Variants in EPHA6 observed in about 807,000 individuals in gnomAD.
EPHA6 encodes the protein ephrin type-A receptor 6.
In EPHA6, 50 loss-of-function variants were observed where a neutral mutation model predicts 112.0. That is an observed-to-expected ratio of 0.45 (90% CI 0.36 to 0.56). The LOEUF (loss-of-function observed/expected upper bound fraction) is 0.56, where lower values mean the gene tolerates loss of function less well. Ranked by LOEUF, EPHA6 falls within the 20% of genes least tolerant of loss-of-function variation. The pLI is 0.00. For missense variants in EPHA6, 1,280 were observed against 1,417.4 expected (o/e 0.90, Z 1.56); for synonymous variants, 529 against 490.7 (o/e 1.08, Z -1.03).
At chr3:97,604,798 A>G (rs1290131352) in intron 12 of EPHA6, among the ~76,000 whole-genome samples, 1 of 151,696 alleles carries the variant, frequency 6.6e-6, no homozygotes, top group East Asian at 1.9e-4. Context: ...TTGATAATAT[A>G]ACTAATTTAG....
intron 5 of EPHA6, among the ~76,000 whole-genome samples, chr3:97,287,291 T>A (rs2080502448): frequency 6.6e-6 from 1 of 152,130 alleles, no homozygotes; most frequent in Admixed American, 6.5e-5. Context: ...TTGTTCCAGT[T>A]CTTAGAGGAA....
intron 1 of EPHA6, among the ~76,000 whole-genome samples, chr3:96,824,516 A>G (rs1261902575): frequency 1.3e-5 from 2 of 151,948 alleles, no homozygotes; most frequent in Non-Finnish European, 1.5e-5. Context: ...CTAGTTCTGC[A>G]ATAAGCAAAT....
chr3:96,899,053 C>CAA (rs142436863), intron 2 of EPHA6, among the ~76,000 whole-genome samples: 13 of 129,752 alleles, frequency 1.0e-4, no homozygotes, highest in African/African-American at 3.1e-4. Context: ...AACAAACAAA[C>CAA]AAAAAAAAAA....
At chr3:97,667,983 A>G (rs2030332830) in intron 14 of EPHA6, among the ~76,000 whole-genome samples, 1 of 152,170 alleles carries the variant, frequency 6.6e-6, no homozygotes, top group African/African-American at 2.4e-5. Flanking sequence ...TCCTTTGTTA[A>G]TTTTTCTCAC....
chr3:97,600,792 A>T (rs2093637125), intron 12 of EPHA6, among the ~76,000 whole-genome samples: 1 of 151,734 alleles, frequency 6.6e-6, no homozygotes, highest in Non-Finnish European at 1.5e-5. Context: ...TTTATGTAAG[A>T]CTAGCAGTGC....
chr3:97,579,279 T>C (rs548925779), intron 11 of EPHA6, among the ~76,000 whole-genome samples: 2 of 152,194 alleles, frequency 1.3e-5, no homozygotes, highest in South Asian at 2.1e-4. Flanking sequence ...TTCTTTCAAT[T>C]AGGCTGCACT....
intron 14 of EPHA6, among the ~76,000 whole-genome samples, chr3:97,666,031 G>C (rs2030062312): frequency 6.6e-6 from 1 of 151,452 alleles, no homozygotes; most frequent in Non-Finnish European, 1.5e-5. Flanking sequence ...CACTCCAGCT[G>C]GGGAGACAGT....
intron 3 of EPHA6, among the ~76,000 whole-genome samples, chr3:97,206,697 T>A (rs1576680741): frequency 6.6e-6 from 1 of 152,226 alleles, no homozygotes; most frequent in African/African-American, 2.4e-5. Flanking sequence ...TCTAATATTA[T>A]CTTATAAGTT....
intron 1 of EPHA6, among the ~76,000 whole-genome samples, chr3:96,819,133 C>T (rs1364872814): frequency 6.6e-6 from 1 of 151,788 alleles, no homozygotes; most frequent in Admixed American, 6.6e-5. Flanking sequence ...CTTCTTCAAA[C>T]AAAAAATAAC....
At chr3:97,543,160 G>A (rs2092890823) in intron 11 of EPHA6, among the ~76,000 whole-genome samples, 1 of 152,258 alleles carries the variant, frequency 6.6e-6, no homozygotes, top group Non-Finnish European at 1.5e-5. Context: ...TAGACATGAA[G>A]TCCTTGCCCA....
chr3:97,522,156 C>G (rs774759710), intron 10 of EPHA6, among the ~76,000 whole-genome samples: 1 of 152,102 alleles, frequency 6.6e-6, no homozygotes, highest in Non-Finnish European at 1.5e-5. Flanking sequence ...AAGTGATCCT[C>G]CCACCTCAGC....
intron 10 of EPHA6, among the ~76,000 whole-genome samples, chr3:97,521,193 A>C (rs910711597): frequency 1.3e-5 from 2 of 150,564 alleles, no homozygotes; most frequent in African/African-American, 4.9e-5. Context: ...TGATTTTATA[A>C]ATTTCTTTTT....
intron 2 of EPHA6, among the ~76,000 whole-genome samples, chr3:96,963,805 A>T (rs1227650961): frequency 2.0e-5 from 3 of 152,186 alleles, no homozygotes; most frequent in Non-Finnish European, 2.9e-5. Context: ...ATCAGTTTTT[A>T]TAAAACTCTG....
Position 97,668,942 on chromosome 3 carries a change from A to AAAAT in EPHA6, c.2784+30862_2784+30863insATAA, listed in dbSNP as rs1489495432. Among the ~76,000 whole-genome samples the AAAAT allele has an allele frequency of 2.7e-5, 4 of 149,324 alleles. 1 individual carries two copies. Among genetic ancestry groups the AAAAT allele is most frequent in the Non-Finnish European group, 4.4e-5 (3 of 67,434 alleles). Reference sequence around the variant, plus strand: ...AAAAAAAAAAAAAAAAAAAAAAAAAAAATCCACTAAGTCAGCCAATGAAAA... The same window carrying AAAAT: ...AAAAAAAAAAAAAAAAAAAAAAAAAAAAATAATCCACTAAGTCAGCCAATGAAAA... On this transcript the variant is annotated intron_variant, in intron 14 of 17. Transcript: ENST00000389672.
At chr3:97,716,591 A>G (rs1018634235) in intron 14 of EPHA6, among the ~76,000 whole-genome samples, 18 of 151,270 alleles carry the variant, frequency 1.2e-4, no homozygotes, top group Middle Eastern at 3.4e-3. Context: ...AAAAAAAAAA[A>G]AAAAAAAGAA....
intron 6 of EPHA6, among the ~76,000 whole-genome samples, chr3:97,440,395 T>C (rs2090075126): frequency 6.6e-6 from 1 of 152,004 alleles, no homozygotes; most frequent in African/African-American, 2.4e-5. Flanking sequence ...TCAATTGATA[T>C]AGCATATTGC....
intron 13 of EPHA6, among the ~76,000 whole-genome samples, chr3:97,627,533 T>C (rs2107524280): frequency 6.6e-6 from 1 of 152,016 alleles, no homozygotes; most frequent in South Asian, 2.1e-4. Flanking sequence ...GAGCATTTTA[T>C]TTCTACAGAA....
intron 2 of EPHA6, among the ~76,000 whole-genome samples, chr3:96,873,186 A>G (rs2036737937): frequency 6.6e-6 from 1 of 151,732 alleles, no homozygotes; most frequent in East Asian, 1.9e-4. Flanking sequence ...AATCACTTGA[A>G]TTGGGAGGTG....
intron 10 of EPHA6, among the ~76,000 whole-genome samples, chr3:97,500,359 C>T (rs1298390932): frequency 6.6e-6 from 1 of 152,082 alleles, no homozygotes; most frequent in East Asian, 1.9e-4. Context: ...CTGACACCTG[C>T]TCAGCTTCTG....
Sources: allele counts gnomAD v4.1 joint callset (sites outside exome capture counted in the v4.1 genomes callset), GRCh38; gene constraint gnomAD v4.1.1; transcripts MANE v1.5; gene names NCBI Gene and HGNC (gene_info 2026-07-23, HGNC 2026-07-21).